Variants in SYNE2 observed in about 807,000 individuals in gnomAD.
SYNE2 encodes spectrin repeat containing nuclear envelope protein 2, also known as nesprin-2.
Under a neutral mutation model 856.3 loss-of-function variants are expected in SYNE2, and 431 were observed. The ratio of observed to expected loss-of-function variants is 0.50; its 90% CI spans 0.47 to 0.55. The LOEUF (loss-of-function observed/expected upper bound fraction) is 0.55. SYNE2 is among the 20% of genes least tolerant of loss of function. The pLI is 0.00. For missense variants in SYNE2, 8,129 were observed against 8,023.2 expected, an observed-to-expected ratio of 1.01 and a Z score of -0.50; for synonymous variants, 2,923 against 2,872.3, an observed-to-expected ratio of 1.02 and a Z score of -0.56.
chr14:64,033,209 A>G (rs1470936844), intron 45 of SYNE2, among the ~76,000 whole-genome samples: 1 of 152,172 alleles, frequency 6.6e-6, no homozygotes, highest in African/African-American at 2.4e-5. Flanking sequence ...AAAATAACTC[A>G]GTGCTTTCTA....
At chr14:64,183,378 C>T (rs998623488) in intron 96 of SYNE2, among the ~76,000 whole-genome samples, 1 of 151,974 alleles carries the variant, frequency 6.6e-6, no homozygotes, top group African/African-American at 2.4e-5. Context: ...CAGAGATGCT[C>T]CTCACTTCCT....
At chr14:64,149,819 C>T (rs1028405313) in intron 84 of SYNE2, among the ~76,000 whole-genome samples, 5 of 151,906 alleles carry the variant, frequency 3.3e-5, no homozygotes, top group Non-Finnish European at 7.4e-5. Context: ...TAAAGTAAGA[C>T]AAATTAATTT....
At chr14:63,963,766 T>C (rs1241916450) in intron 9 of SYNE2, 133 bp from the exon 10 acceptor site, 1 of 683,144 alleles carries the variant, frequency 1.5e-6, no homozygotes, top group East Asian at 2.8e-5. Flanking sequence ...CAAGTGAAAT[T>C]ACTCTTTGGC....
intron 2 of SYNE2, among the ~76,000 whole-genome samples, chr14:63,935,705 C>G (rs1018762975): frequency 2.6e-5 from 4 of 152,128 alleles, no homozygotes; most frequent in African/African-American, 9.7e-5. Context: ...ATAACAACCA[C>G]AGTGATAATT....
At chr14:63,998,759 C>T (rs1488087355) in intron 26 of SYNE2, among the ~76,000 whole-genome samples, 155 bp from the exon 27 acceptor site, 3 of 152,118 alleles carry the variant, frequency 2.0e-5, no homozygotes, top group East Asian at 1.9e-4. Context: ...GATGAGGTTT[C>T]GCCATGTTGG....
chr14:63,939,982 GCTTAAA>G (rs1310068376), intron 2 of SYNE2, among the ~76,000 whole-genome samples: 1 of 151,676 alleles, frequency 6.6e-6, no homozygotes. Context: ...AACGGTTTGG[GCTTAAA>G]CTTAAAGTCT....
intron 85 of SYNE2, among the ~76,000 whole-genome samples, chr14:64,156,603 C>T (rs1479608258): frequency 3.3e-5 from 5 of 152,106 alleles, no homozygotes; most frequent in East Asian, 1.9e-4. Flanking sequence ...GGATTACAGG[C>T]GTGTGCCACC....
At chr14:63,880,453 A>G (rs1336029840) in intron 1 of SYNE2, among the ~76,000 whole-genome samples, 2 of 152,206 alleles carry the variant, frequency 1.3e-5, no homozygotes, top group African/African-American at 4.8e-5. Flanking sequence ...TGAGGTAGCA[A>G]TAATGCTGTA....
intron 1 of SYNE2, among the ~76,000 whole-genome samples, chr14:63,863,246 T>C (rs1894231174): frequency 6.6e-6 from 1 of 152,220 alleles, no homozygotes; most frequent in Admixed American, 6.5e-5. Flanking sequence ...ATGTGCTCCA[T>C]GGTGTCTTTT....
intron 54 of SYNE2, among the ~76,000 whole-genome samples, chr14:64,078,153 A>G (rs553879657): frequency 6.6e-6 from 1 of 152,354 alleles, no homozygotes; most frequent in East Asian, 1.9e-4. Context: ...AATGTTTCAC[A>G]CAATCCACTC....
chr14:64,096,078 C>T (rs1001413853), intron 61 of SYNE2, among the ~76,000 whole-genome samples: 5 of 152,200 alleles, frequency 3.3e-5, no homozygotes, highest in East Asian at 1.9e-4. Context: ...AGACACCAAA[C>T]GTACCAATAC....
At chr14:64,121,124 G>A in intron 68 of SYNE2, 63 bp downstream of exon 68, 1 of 1,605,800 alleles carries the variant, frequency 6.2e-7, no homozygotes, top group Non-Finnish European at 8.5e-7. Context: ...GCAAGGTGGT[G>A]CAAACCTACA....
chr14:63,958,088 T>C (rs1279707278), intron 8 of SYNE2, among the ~76,000 whole-genome samples: 2 of 152,134 alleles, frequency 1.3e-5, no homozygotes, highest in East Asian at 3.8e-4. Context: ...CAATTTTAGA[T>C]TTATGGAAAA....
intron 56 of SYNE2, 115 bp downstream of exon 56, chr14:64,080,753 G>C: frequency 7.6e-7 from 1 of 1,320,782 alleles, no homozygotes; most frequent in Non-Finnish European, 1.1e-6. Context: ...TTTTGGACTT[G>C]AAGCTGGGGC....
At chr14:63,857,364 T>A (rs1183070912) in intron 1 of SYNE2, among the ~76,000 whole-genome samples, 2 of 152,264 alleles carry the variant, frequency 1.3e-5, no homozygotes, top group Non-Finnish European at 2.9e-5. Flanking sequence ...CCAGTTCATG[T>A]ATCTTTTCAC....
At chr14:64,074,282 A>G (rs2097438606) in intron 53 of SYNE2, 146 bp downstream of exon 53, 12 of 812,032 alleles carry the variant, frequency 1.5e-5, no homozygotes, top group Non-Finnish European at 2.4e-5. Context: ...GCCCTGTGGC[A>G]TGGTATGGGC....
At chr14:64,119,686 A>T (rs771870369) in intron 67 of SYNE2, 77 bp downstream of exon 67, 17 of 1,484,822 alleles carry the variant, frequency 1.1e-5, no homozygotes, top group Non-Finnish European at 1.6e-5. Context: ...CTCTGGTTGG[A>T]AGTGATGAAC....
At chr14:64,183,239 C>T (rs920114054) in intron 96 of SYNE2, among the ~76,000 whole-genome samples, 7 of 144,378 alleles carry the variant, frequency 4.8e-5, no homozygotes, top group South Asian at 2.3e-4. Context: ...ACTTCTCAGA[C>T]GGGGCGGCCG....
At chr14:63,891,330 C>A (rs760081613) in intron 1 of SYNE2, among the ~76,000 whole-genome samples, 3 of 152,020 alleles carry the variant, frequency 2.0e-5, no homozygotes, top group Non-Finnish European at 4.4e-5. Context: ...CAAAGGATGA[C>A]GAAGTGTAGA....
Sources: allele counts gnomAD v4.1 joint callset (sites outside exome capture counted in the v4.1 genomes callset), GRCh38; gene constraint gnomAD v4.1.1; transcripts MANE v1.5; gene names NCBI Gene and HGNC (gene_info 2026-07-23, HGNC 2026-07-21).